MORN1: variants seen among roughly 807,000 people sequenced by gnomAD.
MORN1 encodes MORN repeat-containing protein 1.
A neutral mutation model predicts 61.9 loss-of-function variants in MORN1; 67 were observed. The ratio of observed to expected loss-of-function variants is 1.08; its 90% confidence interval spans 0.89 to 1.33. MORN1 has a LOEUF of 1.33. MORN1 is among the 40% of genes most tolerant of loss of function. The pLI, the probability that MORN1 is intolerant of heterozygous loss-of-function variation, is 0.00. For synonymous variants in MORN1, 301 were observed against 292.0 expected (o/e 1.03, Z -0.31); for missense variants, 752 against 691.2 (o/e 1.09, Z -0.99).
At chr1:2,374,622 G>T in intron 6 of MORN1, 65 bp from the exon 7 acceptor site, 1 of 1,387,656 alleles carries the variant, frequency 7.2e-7, no homozygotes, top group Non-Finnish European at 1.0e-6. Context: ...TCCCCGCATG[G>T]CACTGCAGCT....
At chr1:2,379,377 G>A (rs562265782) in intron 6 of MORN1, 26 of 354,398 alleles carry the variant, frequency 7.3e-5, no homozygotes, top group African/African-American at 5.1e-4. Context: ...TTGGGGTGTG[G>A]CTGGAGGGGC....
intron 12 of MORN1, among the ~76,000 whole-genome samples, chr1:2,325,257 C>T (rs528169547): frequency 8.5e-6 from 1 of 117,040 alleles, no homozygotes; most frequent in African/African-American, 3.5e-5. Flanking sequence ...TCTCTCTCCT[C>T]TCTCTCTCTG....
intron 8 of MORN1, among the ~76,000 whole-genome samples, chr1:2,364,471 G>C (rs1641960154): frequency 2.2e-5 from 3 of 133,710 alleles, no homozygotes; most frequent in South Asian, 2.9e-4. Flanking sequence ...CCCTTTGTCA[G>C]ATGAGTAGGT....
chr1:2,353,046 G>A (rs1440015431), intron 10 of MORN1, among the ~76,000 whole-genome samples: 3 of 152,236 alleles, frequency 2.0e-5, no homozygotes, highest in South Asian at 4.1e-4. Flanking sequence ...CAGCACAGCT[G>A]CCTGCGGTCC....
intron 10 of MORN1, among the ~76,000 whole-genome samples, chr1:2,348,628 C>T (rs1641568871): frequency 6.6e-6 from 1 of 151,854 alleles, no homozygotes; most frequent in Non-Finnish European, 1.5e-5. Context: ...GGCACGCACG[C>T]ACACACGCAC....
At chr1:2,336,638 C>T in intron 11 of MORN1, 79 bp downstream of exon 11, 1 of 1,580,716 alleles carries the variant, frequency 6.3e-7, no homozygotes, top group Non-Finnish European at 8.6e-7. Flanking sequence ...GCACACATGG[C>T]CTGGGTGTTG....
At chr1:2,346,678 G>A (rs146494420) in intron 10 of MORN1, among the ~76,000 whole-genome samples, 114 of 152,258 alleles carry the variant, frequency 7.5e-4, no homozygotes, top group African/African-American at 2.5e-3. Context: ...GAGCCACCGC[G>A]CCCACCCTGA....
At chr1:2,327,067 AACAC>A (rs570685657) in intron 12 of MORN1, among the ~76,000 whole-genome samples, 1 of 152,024 alleles carries the variant, frequency 6.6e-6, no homozygotes, top group Non-Finnish European at 1.5e-5. Context: ...GAAATACAGA[AACAC>A]AGAAACAAAC....
At chr1:2,358,532 G>A (rs886787161) in intron 9 of MORN1, 60 bp downstream of exon 9, 11 of 1,607,212 alleles carry the variant, frequency 6.8e-6, no homozygotes, top group African/African-American at 6.7e-5. Context: ...AGGAATTAAT[G>A]TGACCTAAAT....
At chr1:2,322,521 G>A (rs1196596113) in intron 13 of MORN1, 1 of 985,234 alleles carries the variant, frequency 1.0e-6, no homozygotes, top group Non-Finnish European at 1.2e-6. Flanking sequence ...TCGGGGGCCG[G>A]GAGGAATGTG....
chr1:2,321,366 C>A lies in MORN1; in HGVS notation c.*17G>T, dbSNP rs1640876053. 5 of 1,478,384 alleles carry A rather than the reference C, an allele frequency of 3.4e-6. No individual in the cohort carries two copies. Among genetic ancestry groups the A allele is most frequent in the African/African-American group, 1.4e-5 (1 of 69,674 alleles). The allele number at this position is 1,478,384 out of a possible 1,614,324, so 91.6% of individuals were successfully genotyped here. The stretch of plus-strand genomic sequence containing the variant: ...CCTTCCATTCACACCGAGGTGGCCT[C>A]CTGTGGACACGGGGCCTCACCGAGG... On this transcript the variant is annotated 3_prime_UTR_variant, in exon 14 of 14. Coordinates refer to ENST00000378531, the MANE Select transcript of MORN1 (RefSeq NM_024848.3).
rs58763089 is a variant in MORN1, at chr1:2,335,828, T to TAGCCCAGCCCAGCCCAGCCC, written c.1250+640_1250+641insGGGCTGGGCTGGGCTGGGCT. 2.9e-3 allele frequency among the ~76,000 whole-genome samples: 415 copies of TAGCCCAGCCCAGCCCAGCCC among 143,106 alleles called. 26 individuals carry two copies. The highest frequency in any genetic ancestry group is 0.012 in the African/African-American group (403 of 32,922). 93.9% of individuals were successfully genotyped at this position (143,106 alleles called of 152,430 possible). A position where few individuals can be genotyped will look rare whatever the true frequency, so the allele number is the denominator to read the frequency against. On this transcript the variant is annotated intron_variant, in intron 12 of 13. Coordinates refer to ENST00000378531, the MANE Select transcript of MORN1 (RefSeq NM_024848.3). ...ATCAGCGGGGGCCTCCTCGCCTCCATAGCCCAGCCCAGCCCAGCGCGCAGC... is the reference window on the plus strand; with the variant it reads ...ATCAGCGGGGGCCTCCTCGCCTCCATAGCCCAGCCCAGCCCAGCCCAGCCCAGCCCAGCCCAGCGCGCAGC...
intron 7 of MORN1, among the ~76,000 whole-genome samples, chr1:2,373,254 C>T (rs1007044027): frequency 1.2e-4 from 19 of 152,236 alleles, no homozygotes; most frequent in African/African-American, 4.3e-4. Flanking sequence ...CCTCAAAAGG[C>T]AGCACAGGCG....
chr1:2,384,225 C>T (rs1036399101), intron 6 of MORN1, among the ~76,000 whole-genome samples: 5 of 152,140 alleles, frequency 3.3e-5, no homozygotes, highest in South Asian at 2.1e-4. Context: ...ATGCTCAGAC[C>T]GAAAGCTCAG....
At chr1:2,333,605 A>AGC (rs1557869380) in intron 12 of MORN1, among the ~76,000 whole-genome samples, 1 of 152,136 alleles carries the variant, frequency 6.6e-6, no homozygotes, top group African/African-American at 2.4e-5. Flanking sequence ...ATCCTGGCTC[A>AGC]AGGTGCTGCT....
At chr1:2,325,710 G>A (rs1033882895) in intron 12 of MORN1, among the ~76,000 whole-genome samples, 4 of 148,532 alleles carry the variant, frequency 2.7e-5, no homozygotes, top group African/African-American at 5.0e-5. Context: ...CTGGAGTGCT[G>A]TGGCCTGATC....
At chr1:2,344,378 C>T (rs560203588) in intron 10 of MORN1, among the ~76,000 whole-genome samples, 44 of 152,348 alleles carry the variant, frequency 2.9e-4, no homozygotes, top group Non-Finnish European at 5.6e-4. Flanking sequence ...GAGCTGGCTC[C>T]GAGCGTCCCC....
chr1:2,322,216 A>G (rs1640897210), intron 13 of MORN1: 1 of 985,322 alleles, frequency 1.0e-6, no homozygotes, highest in Admixed American at 6.1e-5. Flanking sequence ...AAACCATAAA[A>G]AAGAAAATAA....
intron 12 of MORN1, among the ~76,000 whole-genome samples, chr1:2,333,322 G>C (rs1183349873): frequency 1.3e-5 from 2 of 152,346 alleles, no homozygotes; most frequent in Non-Finnish European, 2.9e-5. Context: ...CAGCAGCCGG[G>C]TCAGCCCCGG....
Sources: allele counts gnomAD v4.1 joint callset (sites outside exome capture counted in the v4.1 genomes callset), GRCh38; gene constraint gnomAD v4.1.1; transcripts MANE v1.5; gene names NCBI Gene and HGNC (gene_info 2026-07-23, HGNC 2026-07-21).